Variants in QRICH1 observed in about 807,000 individuals in gnomAD.
The protein encoded by QRICH1 is transcriptional regulator QRICH1.
Under a neutral mutation model 87.1 loss-of-function variants are expected in QRICH1, and 16 were observed. The ratio of observed to expected loss-of-function variants is 0.18; its 90% CI spans 0.12 to 0.28. The LOEUF (loss-of-function observed/expected upper bound fraction) is 0.28. QRICH1 is among the 10% of genes least tolerant of loss of function. The pLI is 1.00. For missense variants in QRICH1, 647 were observed against 951.7 expected, an observed-to-expected ratio of 0.68 and a Z score of 4.21; for synonymous variants, 367 against 368.4, an observed-to-expected ratio of 1.00 and a Z score of 0.05.
At chr3:49,035,219 C>T (rs1184487216) in intron 6 of QRICH1, among the ~76,000 whole-genome samples, 1 of 152,058 alleles carries the variant, frequency 6.6e-6, no homozygotes. Flanking sequence ...CACAGGTGTG[C>T]ACCATCACAC....
intron 2 of QRICH1, among the ~76,000 whole-genome samples, chr3:49,061,417 CTTA>C (rs1272487965): frequency 6.6e-6 from 1 of 151,990 alleles, no homozygotes; most frequent in South Asian, 2.1e-4. Context: ...CAGTTACTGT[CTTA>C]TTATTATGTC....
chr3:49,044,502 A>G lies in QRICH1; in HGVS notation c.1674T>C (p.Tyr558=). ...LYYIFLCIQK[Y]LFENGRVDDI... ...CATCTACCCTTCCATTTTCAAAAAGATACTAAAAGAAAAACAATTAATAGA... is the reference window on the plus strand; with the variant it reads ...CATCTACCCTTCCATTTTCAAAAAGGTACTAAAAGAAAAACAATTAATAGA... Residue 558 remains tyrosine, a splice_region_variant and synonymous_variant, in exon 6 of 10, where the codon TAT becomes TAC. Transcript: ENST00000395443. 6.3e-7 allele frequency: 1 copy of G among 1,595,856 alleles called. No individual in the cohort carries two copies. The highest frequency in any genetic ancestry group is 1.1e-5 in the South Asian group (1 of 90,128).
intron 6 of QRICH1, among the ~76,000 whole-genome samples, chr3:49,040,238 T>G (rs2093302215): frequency 6.6e-6 from 1 of 152,242 alleles, no homozygotes; most frequent in Non-Finnish European, 1.5e-5. Context: ...ATGTAGTCAC[T>G]CATGTCTCTG....
intron 1 of QRICH1, among the ~76,000 whole-genome samples, chr3:49,078,098 C>G (rs1308438246): frequency 6.6e-6 from 1 of 152,156 alleles, no homozygotes; most frequent in Non-Finnish European, 1.5e-5. Context: ...TAACAGAAAA[C>G]AAGCGAACGT....
chr3:49,047,601 A>G (rs1341894610), intron 3 of QRICH1, among the ~76,000 whole-genome samples: 2 of 147,710 alleles, frequency 1.4e-5, no homozygotes, highest in Admixed American at 7.1e-5. Context: ...CTCCTGTCTC[A>G]GCCTCCCGAG....
At position 49,033,042 on chromosome 3, in the gene QRICH1, GA is replaced by G. The variant is rs2093251744; in HGVS notation, c.1895+77del. On this transcript the variant is annotated intron_variant, in intron 7 of 9. Coordinates refer to ENST00000395443, the MANE Select transcript of QRICH1 (RefSeq NM_198880.3). ...CCAGTTTCTCAAATATATGTCAGAGGAATTCAGAAGGCCTCTTGGATAGCTT... is the reference window on the plus strand; with the variant it reads ...CCAGTTTCTCAAATATATGTCAGAGGATTCAGAAGGCCTCTTGGATAGCTT... The G allele has an allele frequency of 8.7e-6, 10 of 1,147,332 alleles. No individual in the cohort carries two copies. The South Asian group carries it at 1.7e-4, about 20-fold the overall frequency. 71.1% of individuals were successfully genotyped at this position (1,147,332 alleles called of 1,614,324 possible). A position where few individuals can be genotyped will look rare whatever the true frequency, so the allele number is the denominator to read the frequency against.
At chr3:49,075,831 A>G (rs2106977643) in intron 2 of QRICH1, among the ~76,000 whole-genome samples, 1 of 152,180 alleles carries the variant, frequency 6.6e-6, no homozygotes, top group East Asian at 1.9e-4. Context: ...AGTCCCAGCT[A>G]CTCAGGAGTC....
At chr3:49,068,156 G>C (rs1461108231) in intron 2 of QRICH1, among the ~76,000 whole-genome samples, 2 of 152,036 alleles carry the variant, frequency 1.3e-5, no homozygotes, top group Non-Finnish European at 2.9e-5. Flanking sequence ...AGGAGTTTGA[G>C]GCCAGCCTAG....
intron 1 of QRICH1, among the ~76,000 whole-genome samples, chr3:49,077,843 TG>T (rs1029211073): frequency 6.6e-6 from 1 of 152,150 alleles, no homozygotes; most frequent in African/African-American, 2.4e-5. Context: ...AAAATAATTC[TG>T]GAAAAAAGGT....
intron 2 of QRICH1, among the ~76,000 whole-genome samples, chr3:49,074,787 G>T (rs2041915434): frequency 1.3e-5 from 2 of 151,164 alleles, no homozygotes. Flanking sequence ...GACCATCCTG[G>T]CTAACATGGT....
chr3:49,087,200 T>C (rs752978364), intron 1 of QRICH1: 1 of 152,144 alleles, frequency 6.6e-6, no homozygotes, highest in Non-Finnish European at 1.5e-5. Context: ...GAGGTTGCAG[T>C]GAGCCGAGAT....
At chr3:49,076,029 G>T (rs1431805769) in intron 2 of QRICH1, among the ~76,000 whole-genome samples, 1 of 152,100 alleles carries the variant, frequency 6.6e-6, no homozygotes, top group Non-Finnish European at 1.5e-5. Flanking sequence ...GGATCATGAG[G>T]TCAGGAGTTC....
At chr3:49,039,163 C>G in intron 6 of QRICH1, among the ~76,000 whole-genome samples, 1 of 151,880 alleles carries the variant, frequency 6.6e-6, no homozygotes, top group Non-Finnish European at 1.5e-5. Flanking sequence ...TCAAGACCAG[C>G]CTGGCCAACA....
Position 49,078,386 on chromosome 3 carries a change from C to CTTTTTT in QRICH1, c.-21-1354_-21-1349dup, listed in dbSNP as rs60933196. 1.1e-4 allele frequency among the ~76,000 whole-genome samples: 8 copies of CTTTTTT among 69,826 alleles called. 1 individual carries two copies. Among genetic ancestry groups the CTTTTTT allele is most frequent in the Non-Finnish European group, 1.8e-4 (7 of 39,286 alleles). 45.8% of individuals were successfully genotyped at this position (69,826 alleles called of 152,430 possible). ...TGTGGAAAACGAAGAATTATGGTTC[C>CTTTTTT]TTTTTTTTTTTTTTTTTTTTTTTTT... On this transcript the variant is annotated intron_variant, in intron 1 of 9. Transcript: ENST00000395443.
intron 2 of QRICH1, among the ~76,000 whole-genome samples, chr3:49,067,233 CA>C: frequency 6.6e-6 from 1 of 152,150 alleles, no homozygotes; most frequent in East Asian, 1.9e-4. Context: ...ACTTTATATC[CA>C]AAATAGTAAG....
intron 6 of QRICH1, among the ~76,000 whole-genome samples, chr3:49,037,927 G>A (rs573205190): frequency 6.6e-6 from 1 of 152,164 alleles, no homozygotes; most frequent in South Asian, 2.1e-4. Flanking sequence ...AGTGAGCCGA[G>A]ATCAAGCCTC....
intron 2 of QRICH1, among the ~76,000 whole-genome samples, chr3:49,068,441 G>A (rs1380646111): frequency 6.2e-5 from 9 of 145,828 alleles, no homozygotes; most frequent in African/African-American, 2.3e-4. Context: ...CTGGGTGACA[G>A]AGCAGGACTC....
chr3:49,058,732 A>G (rs1194727909), intron 2 of QRICH1, among the ~76,000 whole-genome samples: 5 of 151,074 alleles, frequency 3.3e-5, no homozygotes, highest in Middle Eastern at 3.4e-3. Context: ...GGGTTCAAGC[A>G]ATTCTCTTGC....
intron 1 of QRICH1, among the ~76,000 whole-genome samples, chr3:49,088,487 G>A (rs1575387823): frequency 6.6e-6 from 1 of 150,858 alleles, no homozygotes; most frequent in Admixed American, 6.6e-5. Context: ...TAGTAGAATC[G>A]GGGTTTCACC....
Sources: gnomAD v4.1 joint callset for allele counts (sites outside exome capture counted in the v4.1 genomes callset) on GRCh38, gnomAD v4.1.1 for gene constraint, MANE v1.5 for transcripts, NCBI Gene and HGNC (gene_info 2026-07-23, HGNC 2026-07-21) for gene names.